The following SYN3 variants were observed in gnomAD, a reference collection of about 807,000 sequenced individuals.
SYN3 encodes the protein synapsin III.
A neutral mutation model predicts 65.8 loss-of-function variants in SYN3; 35 were observed. The ratio of observed to expected loss-of-function variants is 0.53; its 90% CI spans 0.41 to 0.70. The LOEUF (loss-of-function observed/expected upper bound fraction) is 0.70. SYN3 is among the 30% of genes least tolerant of loss of function. The pLI is 0.00. For synonymous variants in SYN3, 270 were observed against 292.9 expected, an observed-to-expected ratio of 0.92 and a Z score of 0.80; for missense variants, 680 against 749.0, an observed-to-expected ratio of 0.91 and a Z score of 1.08.
intron 6 of SYN3, among the ~76,000 whole-genome samples, chr22:32,635,638 CGTT>C (rs961393444): frequency 1.3e-5 from 2 of 152,118 alleles, no homozygotes; most frequent in African/African-American, 4.8e-5. Context: ...GCTTAGTACT[CGTT>C]GTAGTGCAGG....
chr22:32,988,481 CAGAT>C (rs1346445199), intron 2 of SYN3, among the ~76,000 whole-genome samples: 1 of 152,068 alleles, frequency 6.6e-6, no homozygotes, highest in Non-Finnish European at 1.5e-5. Flanking sequence ...TGAACATACA[CAGAT>C]AGACCACCTA....
intron 6 of SYN3, among the ~76,000 whole-genome samples, chr22:32,807,523 T>C (rs1197674980): frequency 3.4e-5 from 5 of 147,558 alleles, no homozygotes; most frequent in Non-Finnish European, 7.4e-5. Context: ...GGCATTATTC[T>C]AAGTCATTAA....
intron 4 of SYN3, among the ~76,000 whole-genome samples, chr22:32,919,305 C>T (rs1249705261): frequency 6.6e-6 from 1 of 152,196 alleles, no homozygotes; most frequent in Non-Finnish European, 1.5e-5. Flanking sequence ...TTCTCTGTTG[C>T]TTTTGCTTCA....
chr22:32,966,136 G>C (rs5754360), intron 3 of SYN3, among the ~76,000 whole-genome samples: 3 of 152,194 alleles, frequency 2.0e-5, no homozygotes, highest in African/African-American at 7.2e-5. Context: ...AGGTGAATTA[G>C]TAATCTCAAA....
chr22:32,905,520 CT>C (rs1203535696), intron 4 of SYN3, among the ~76,000 whole-genome samples: 1 of 152,274 alleles, frequency 6.6e-6, no homozygotes, highest in Non-Finnish European at 1.5e-5. Context: ...GCTCTGAGCA[CT>C]TGCTGTGCGC....
At chr22:32,862,794 T>A (rs906419308) in intron 6 of SYN3, 1 of 152,628 alleles carries the variant, frequency 6.6e-6, no homozygotes, top group African/African-American at 2.4e-5. Flanking sequence ...AGCATCCGCC[T>A]TTCCCTTTAG....
intron 3 of SYN3, among the ~76,000 whole-genome samples, chr22:32,955,038 C>T (rs2051409127): frequency 6.6e-6 from 1 of 150,808 alleles, no homozygotes; most frequent in Admixed American, 6.6e-5. Context: ...ATTCTCATTG[C>T]TACCCATAGT....
intron 3 of SYN3, among the ~76,000 whole-genome samples, chr22:32,948,889 A>G (rs78176617): frequency 7.3e-6 from 1 of 136,378 alleles, no homozygotes; most frequent in Non-Finnish European, 1.5e-5. Flanking sequence ...AAAAAAAAAA[A>G]AGAAAGAAAG....
At chr22:32,656,712 T>G (rs1210413730) in intron 6 of SYN3, among the ~76,000 whole-genome samples, 1 of 152,198 alleles carries the variant, frequency 6.6e-6, no homozygotes, top group Non-Finnish European at 1.5e-5. Context: ...GTTGTTGTTT[T>G]GTTTTTTTGT....
At chr22:32,925,641 G>A (rs561432772) in intron 4 of SYN3, among the ~76,000 whole-genome samples, 21 of 152,136 alleles carry the variant, frequency 1.4e-4, no homozygotes, top group Admixed American at 4.6e-4. Context: ...TTTTCAGCCC[G>A]TCCTGCCTCA....
chr22:32,907,387 C>A (rs143937408), intron 4 of SYN3, among the ~76,000 whole-genome samples: 2 of 152,274 alleles, frequency 1.3e-5, no homozygotes, highest in East Asian at 1.9e-4. Context: ...CTACAGCATG[C>A]AAACACTGTG....
At chr22:33,045,550 C>T (rs1262209943) in intron 1 of SYN3, among the ~76,000 whole-genome samples, 2 of 142,252 alleles carry the variant, frequency 1.4e-5, no homozygotes, top group African/African-American at 5.2e-5. Flanking sequence ...TCACTGCAAG[C>T]TCTGCCTCCC....
At chr22:32,849,275 C>T (rs1336214838) in intron 6 of SYN3, among the ~76,000 whole-genome samples, 3 of 152,138 alleles carry the variant, frequency 2.0e-5, no homozygotes, top group Non-Finnish European at 4.4e-5. Flanking sequence ...TTTCCTCCAA[C>T]CTCCCTCTCA....
At chr22:32,887,596 C>G (rs535415715) in intron 4 of SYN3, among the ~76,000 whole-genome samples, 2 of 152,148 alleles carry the variant, frequency 1.3e-5, no homozygotes, top group Non-Finnish European at 2.9e-5. Context: ...CCATGCCCAG[C>G]CCCTGGCCCC....
chr22:32,782,000 T>C (rs910653530), intron 6 of SYN3, among the ~76,000 whole-genome samples: 1 of 152,106 alleles, frequency 6.6e-6, no homozygotes, highest in Non-Finnish European at 1.5e-5. Flanking sequence ...GGTTGTTTTT[T>C]CCCCTTCAGA....
At chr22:33,053,411 C>A (rs566240196) in intron 1 of SYN3, among the ~76,000 whole-genome samples, 2 of 152,016 alleles carry the variant, frequency 1.3e-5, no homozygotes, top group Admixed American at 6.6e-5. Flanking sequence ...CACAACAGAG[C>A]GAGACTCCGT....
chr22:32,989,405 T>G (rs995066530), intron 2 of SYN3, among the ~76,000 whole-genome samples: 1 of 152,162 alleles, frequency 6.6e-6, no homozygotes, highest in East Asian at 1.9e-4. Flanking sequence ...GGTCATTTTC[T>G]CTCTCCAAGA....
chr22:32,686,409 G>T (rs1436811743), intron 6 of SYN3, among the ~76,000 whole-genome samples: 1 of 147,394 alleles, frequency 6.8e-6, no homozygotes, highest in Admixed American at 6.8e-5. Flanking sequence ...TTTTTTTCAA[G>T]AAAAGTCAGA....
intron 6 of SYN3, among the ~76,000 whole-genome samples, chr22:32,661,952 A>T (rs2060222831): frequency 1.3e-5 from 2 of 152,110 alleles, no homozygotes; most frequent in Admixed American, 6.5e-5. Flanking sequence ...ACAAAGGATA[A>T]TTTTTTTCCA....
Sources: allele counts gnomAD v4.1 joint callset (sites outside exome capture counted in the v4.1 genomes callset), GRCh38; gene constraint gnomAD v4.1.1; transcripts MANE v1.5; gene names NCBI Gene and HGNC (gene_info 2026-07-23, HGNC 2026-07-21).